The following OR2AG1 variants were observed in gnomAD, a reference collection of about 807,000 sequenced individuals.
OR2AG1 encodes olfactory receptor 2AG1.
For synonymous variants in OR2AG1, 157 were observed against 155.6 expected (o/e 1.01, Z -0.07); for missense variants, 391 against 385.9 (o/e 1.01, Z -0.11).
At position 6,785,871 on chromosome 11, in the gene OR2AG1, C is replaced by T. The variant is rs191164048; in HGVS notation, c.834C>T (p.Tyr278=). ...AAGACAACATCATCTCTGTTTTCTA[C>T]ACAATTGTCACTCCAGCCCTGAATC... is the stretch of plus-strand genomic sequence containing the variant. ...TRQDNIISVF[Y]TIVTPALNPL... is the part of the protein sequence containing the mutation. The change falls in exon 2 of 2, where the codon TAC becomes TAT. Residue 278 remains tyrosine, a synonymous_variant. Coordinates refer to ENST00000641258, the MANE Select transcript of OR2AG1 (RefSeq NM_001004489.3). 5.0e-6 allele frequency: 8 copies of T among 1,614,134 alleles called. No homozygotes were observed. Among genetic ancestry groups the T allele is most frequent in the Non-Finnish European group, 6.8e-6 (8 of 1,180,006 alleles).
Position 6,783,325 on chromosome 11 carries a change from T to TTA in OR2AG1, c.-167_-166insTA, listed in dbSNP as rs1847591522. ...ATCTCACTAGTACTTTTCAGACACT[T>TTA]AACCCAACTTGGCAATATTAAACCA... On this transcript the variant is annotated 5_prime_UTR_variant, in exon 1 of 2. Coordinates refer to ENST00000641258, the MANE Select transcript of OR2AG1 (RefSeq NM_001004489.3). 3 of 152,330 alleles carry TTA rather than the reference T, an allele frequency of 2.0e-5. No homozygotes were observed. In the South Asian group the frequency reaches 6.2e-4, roughly 32 times the overall value. 9.4% of individuals were successfully genotyped at this position (152,330 alleles called of 1,614,324 possible). A position where few individuals can be genotyped will look rare whatever the true frequency, so the allele number is the denominator to read the frequency against.
rs1001824354 is a variant in OR2AG1 at position 6,788,822 on chromosome 11, GC to G, written c.*2835del. The G allele has an allele frequency of 1.3e-5, 2 of 151,616 alleles. No homozygotes were observed. Among genetic ancestry groups the G allele is most frequent in the African/African-American group, 4.9e-5 (2 of 41,214 alleles). The allele number at this position is 151,616 out of a possible 1,614,324, so 9.4% of individuals were successfully genotyped here. ...CTTCCTGTTTTCCCTCATTATAACT[GC>G]TTGAACCCGGGAGGCAGAGACTGCA... On this transcript the variant is annotated 3_prime_UTR_variant, in exon 2 of 2. Transcript: ENST00000641258.
At position 6,788,749 on chromosome 11, in the gene OR2AG1, C is replaced by T. The variant is rs1847652707; in HGVS notation, c.*2761C>T. On this transcript the variant is annotated 3_prime_UTR_variant, in exon 2 of 2. Transcript: ENST00000641258. ...ACTTCACTAGAACAGAAGCAGTTGG[C>T]TACAAAGCCCTCTTCAAATCCTCCA... 1 of 151,946 alleles carries T rather than the reference C, an allele frequency of 6.6e-6. No individual in the cohort carries two copies. 9.4% of individuals were successfully genotyped at this position (151,946 alleles called of 1,614,324 possible).
In OR2AG1 at chr11:6,785,312, T is replaced by A; in HGVS notation, c.275T>A (p.Ile92Asn). The change falls in exon 2 of 2, where the codon ATC becomes AAC. Residue 92 changes from isoleucine (I) to asparagine (N), a missense_variant. Coordinates refer to ENST00000641258, the MANE Select transcript of OR2AG1 (RefSeq NM_001004489.3). ...GACTTTCTGCGCAGAGAAAACACCATCTCCTTTGGAGGCTGTGCCCTTCAG... is the reference window on the plus strand; with the variant it reads ...GACTTTCTGCGCAGAGAAAACACCAACTCCTTTGGAGGCTGTGCCCTTCAG... The part of the protein sequence containing the change: ...LADFLRRENT[I>N]SFGGCALQMF... 1 of 1,614,074 alleles carries A rather than the reference T, an allele frequency of 6.2e-7. No individual in the cohort carries two copies. The highest frequency in any genetic ancestry group is 8.5e-7 in the Non-Finnish European group (1 of 1,179,996).
chr11:6,783,498 G>A (rs6578781), intron 1 of OR2AG1, 27 bp downstream of exon 1: 40,714 of 152,096 alleles, frequency 0.27, 5,900 homozygotes, highest in Middle Eastern at 0.36. Context: ...TATTTCAGGG[G>A]AAGGTGTGCC....
At chr11:6,783,866 C>T (rs1426515689) in intron 1 of OR2AG1, among the ~76,000 whole-genome samples, 2 of 152,088 alleles carry the variant, frequency 1.3e-5, no homozygotes, top group Non-Finnish European at 2.9e-5. Context: ...TACTAATGGC[C>T]CCATAAGAGG....
At position 6,785,718 on chromosome 11, in the gene OR2AG1, T is replaced by C. The variant is rs1438243772; in HGVS notation, c.681T>C (p.His227=). Residue 227 remains histidine, a synonymous_variant, in exon 2 of 2, where the codon CAT becomes CAC. Transcript: ENST00000641258. Reference sequence around the variant, plus strand: ...CACAAATTCTACTCACTGTGCTCCATATGCCATCAAATGAGGGGAGGAAGA... The same window carrying C: ...CACAAATTCTACTCACTGTGCTCCACATGCCATCAAATGAGGGGAGGAAGA... ...SYTQILLTVL[H]MPSNEGRKKA... is the part of the protein sequence containing the mutation. 9 of 1,614,024 alleles carry C rather than the reference T, an allele frequency of 5.6e-6. No homozygotes were observed. Among genetic ancestry groups the C allele is most frequent in the African/African-American group, 2.7e-5 (2 of 74,918 alleles).
At chr11:6,784,995 A>C (rs767763477) in intron 1 of OR2AG1, 23 bp from the exon 2 acceptor site, 5 of 1,296,906 alleles carry the variant, frequency 3.9e-6, no homozygotes, top group Non-Finnish European at 5.4e-6. Flanking sequence ...GCAAAAATTC[A>C]TGAAGTATCC....
At position 6,785,502 on chromosome 11, in the gene OR2AG1, T is replaced by C; in HGVS notation, c.465T>C (p.Ser155=). 3 of 1,614,108 alleles carry C rather than the reference T, an allele frequency of 1.9e-6. No individual in the cohort carries two copies. The highest frequency in any genetic ancestry group is 2.5e-6 in the Non-Finnish European group (3 of 1,180,010). ...CGTCCTGGATCCTGGCATCCCTAAG[T>C]GCCCTAATATATACCGTGTATACCA... ...VATSWILASL[S]ALIYTVYTMH... is the part of the protein sequence containing the mutation. Residue 155 remains serine (S), a synonymous_variant, in exon 2 of 2, where the codon AGT becomes AGC. Coordinates refer to ENST00000641258, the MANE Select transcript of OR2AG1 (RefSeq NM_001004489.3).
In OR2AG1 at chr11:6,789,882, G is replaced by A. The variant is rs1042791002; in HGVS notation, c.*3894G>A. The A allele has an allele frequency of 2.0e-5, 3 of 152,244 alleles. No individual in the cohort carries two copies. The East Asian group carries it at 5.8e-4, about 29-fold the overall frequency. The allele number at this position is 152,244 out of a possible 1,614,324, so 9.4% of individuals were successfully genotyped here. ...AAACTATTACTACTGTATGATCCAA[G>A]ATTCCCACTTCTGACTATATATCCA... is the stretch of plus-strand genomic sequence containing the variant. On this transcript the variant is annotated 3_prime_UTR_variant, in exon 2 of 2. Transcript: ENST00000641258.
rs577971024 is a variant in OR2AG1, at chr11:6,786,269, G to C, written c.*281G>C. On this transcript the variant is annotated 3_prime_UTR_variant, in exon 2 of 2. Coordinates refer to ENST00000641258, the MANE Select transcript of OR2AG1 (RefSeq NM_001004489.3). ...TTAGTTAAATGGGTTCCCACCTTGG[G>C]ACATGACCCCTAACCTTCGAAGTTT... 1 of 299,964 alleles carries C rather than the reference G, an allele frequency of 3.3e-6. No homozygotes were observed. The highest frequency in any genetic ancestry group is 2.1e-5 in the African/African-American group (1 of 46,594). The allele number at this position is 299,964 out of a possible 1,614,324, so 18.6% of individuals were successfully genotyped here. A position where few individuals can be genotyped will look rare whatever the true frequency, so the allele number is the denominator to read the frequency against.
chr11:6,785,899 C>T lies in OR2AG1; in HGVS notation c.862C>T (p.Leu288Phe). 1.2e-6 allele frequency: 2 copies of T among 1,614,130 alleles called. No homozygotes were observed. The highest frequency in any genetic ancestry group is 2.2e-5 in the East Asian group (1 of 44,884). Reference protein sequence around the residue: ...YTIVTPALNPLIYSLRNKEVM... With the variant: ...YTIVTPALNPFIYSLRNKEVM... ...AATTGTCACTCCAGCCCTGAATCCACTCATCTACAGCCTGAGGAATAAGGA... is the reference window on the plus strand; with the variant it reads ...AATTGTCACTCCAGCCCTGAATCCATTCATCTACAGCCTGAGGAATAAGGA... Residue 288 changes from leucine (L) to phenylalanine (F), a missense_variant, in exon 2 of 2, where the codon CTC becomes TTC. Transcript: ENST00000641258.
rs74057915 is a variant in OR2AG1, at chr11:6,784,866, G to C, written c.-20-152G>C. On this transcript the variant is annotated intron_variant, in intron 1 of 1. Transcript: ENST00000641258. ...TAGATGGAACTTTTATCAAAATACAGTGAGAAGTCAGACATTCAGAAATCG... is the reference window on the plus strand; with the variant it reads ...TAGATGGAACTTTTATCAAAATACACTGAGAAGTCAGACATTCAGAAATCG... Among the ~76,000 whole-genome samples, 765 of 152,298 alleles carry C rather than the reference G, an allele frequency of 5.0e-3. 6 individuals are homozygous for C. Among genetic ancestry groups the C allele is most frequent in the African/African-American group, 0.018 (729 of 41,572 alleles).
rs1847679879 is a variant in OR2AG1 at position 6,790,619 on chromosome 11, A to G, written c.*4631A>G. 1 of 152,264 alleles carries G rather than the reference A, an allele frequency of 6.6e-6. No individual in the cohort carries two copies. Among genetic ancestry groups the G allele is most frequent in the Non-Finnish European group, 1.5e-5 (1 of 68,050 alleles). 9.4% of individuals were successfully genotyped at this position (152,264 alleles called of 1,614,324 possible). A position where few individuals can be genotyped will look rare whatever the true frequency, so the allele number is the denominator to read the frequency against. Reference sequence around the variant, plus strand: ...TTATACATAATAATAAACATAAAAAATCATTTGAAAACATTTCTAAAGCTG... The same window carrying G: ...TTATACATAATAATAAACATAAAAAGTCATTTGAAAACATTTCTAAAGCTG... On this transcript the variant is annotated 3_prime_UTR_variant, in exon 2 of 2. Transcript: ENST00000641258.
rs1847655288 is a variant in OR2AG1 at position 6,788,927 on chromosome 11, TA to T, written c.*2942del. On this transcript the variant is annotated 3_prime_UTR_variant, in exon 2 of 2. Coordinates refer to ENST00000641258, the MANE Select transcript of OR2AG1 (RefSeq NM_001004489.3). ...GTCACAAAATAAATAAATAAATAAA[TA>T]AATAAATAAATAAATAAATAAATAA... 1 of 147,362 alleles carries T rather than the reference TA, an allele frequency of 6.8e-6. No individual in the cohort carries two copies. Among genetic ancestry groups the T allele is most frequent in the African/African-American group, 2.5e-5 (1 of 39,626 alleles). 9.1% of individuals were successfully genotyped at this position (147,362 alleles called of 1,614,324 possible). A position where few individuals can be genotyped will look rare whatever the true frequency, so the allele number is the denominator to read the frequency against.
rs571929901 is a variant in OR2AG1, at chr11:6,785,330, C to T, written c.293C>T (p.Ala98Val). 6.2e-7 allele frequency: 1 copy of T among 1,614,160 alleles called. No homozygotes were observed. The highest frequency in any genetic ancestry group is 8.5e-7 in the Non-Finnish European group (1 of 1,180,016). ...AACACCATCTCCTTTGGAGGCTGTG[C>T]CCTTCAGATGTTCCTGGCACTGACA... ...RENTISFGGC[A>V]LQMFLALTMG... Residue 98 changes from alanine (A) to valine (V), a missense_variant, in exon 2 of 2, where the codon GCC (alanine) becomes GTC (valine). By Grantham distance (64) the Ala-to-Val change is moderately conservative. Transcript: ENST00000641258.
Position 6,785,199 on chromosome 11 carries a change from G to A in OR2AG1, c.162G>A (p.Arg54=), listed in dbSNP as rs1018720498. 2.5e-6 allele frequency: 4 copies of A among 1,614,130 alleles called. No individual in the cohort carries two copies. In the East Asian group the frequency reaches 6.7e-5, roughly 27 times the overall value. Reference sequence around the variant, plus strand: ...TCCTGGCTATCACCATGGAAGCCCGGCTCCACATGCCCATGTACCTCCTGC... The same window carrying A: ...TCCTGGCTATCACCATGGAAGCCCGACTCCACATGCCCATGTACCTCCTGC... ...LLLLAITMEA[R]LHMPMYLLLG... Residue 54 remains arginine, a synonymous_variant, in exon 2 of 2, where the codon CGG becomes CGA. Transcript: ENST00000641258.
At position 6,786,237 on chromosome 11, in the gene OR2AG1, A is replaced by T. The variant is rs495707; in HGVS notation, c.*249A>T. On this transcript the variant is annotated 3_prime_UTR_variant, in exon 2 of 2. Coordinates refer to ENST00000641258, the MANE Select transcript of OR2AG1 (RefSeq NM_001004489.3). ...AAAATTTAATCTTTATTTTCCCAGG[A>T]AGGTATTTAGTTAAATGGGTTCCCA... 59,538 of 390,000 alleles carry T rather than the reference A, an allele frequency of 0.15. 4,921 individuals carry two copies. The highest frequency in any genetic ancestry group is 0.21 in the South Asian group (3,145 of 14,932). The allele number at this position is 390,000 out of a possible 1,614,324, so 24.2% of individuals were successfully genotyped here.
Position 6,786,734 on chromosome 11 carries a change from A to T in OR2AG1, c.*746A>T, listed in dbSNP as rs1184379675. ...GCAAAATAGTGATTTTCCATTATCC[A>T]AGGCTATCTTGTAACATTCCAACCA... is the stretch of plus-strand genomic sequence containing the variant. On this transcript the variant is annotated 3_prime_UTR_variant, in exon 2 of 2. Coordinates refer to ENST00000641258, the MANE Select transcript of OR2AG1 (RefSeq NM_001004489.3). 1 of 152,220 alleles carries T rather than the reference A, an allele frequency of 6.6e-6. No individual in the cohort carries two copies. The highest frequency in any genetic ancestry group is 2.4e-5 in the African/African-American group (1 of 41,468). The allele number at this position is 152,220 out of a possible 1,614,324, so 9.4% of individuals were successfully genotyped here.
Sources: allele counts gnomAD v4.1 joint callset (sites outside exome capture counted in the v4.1 genomes callset), GRCh38; gene constraint gnomAD v4.1.1; transcripts MANE v1.5; gene names NCBI Gene and HGNC (gene_info 2026-07-23, HGNC 2026-07-21).